Variants in MCTP1 observed in about 807,000 individuals in gnomAD.
MCTP1 encodes multiple C2 and transmembrane domain-containing protein 1.
MCTP1 carries 69 observed loss-of-function variants against 120.6 expected under a neutral mutation model. The observed-to-expected ratio is 0.57, with a 90% CI of 0.47 to 0.70. The LOEUF (loss-of-function observed/expected upper bound fraction) is 0.70, where lower values mean the gene tolerates loss of function less well. MCTP1 is among the 30% of genes least tolerant of loss of function. The probability of loss-of-function intolerance (pLI) is 0.00; values close to 1 mark genes in which losing one functional copy is unlikely to be tolerated. For missense variants in MCTP1, 1,203 were observed against 1,248.8 expected, an observed-to-expected ratio of 0.96 and a Z score of 0.55; for synonymous variants, 529 against 493.1, an observed-to-expected ratio of 1.07 and a Z score of -0.96.
chr5:94,756,729 AC>A (rs1159299628), intron 19 of MCTP1, among the ~76,000 whole-genome samples: 1 of 152,210 alleles, frequency 6.6e-6, no homozygotes, highest in Non-Finnish European at 1.5e-5. Flanking sequence ...AACTATGGCT[AC>A]TTTGAGTGAT....
chr5:94,787,147 C>T (rs1777906081), intron 18 of MCTP1, among the ~76,000 whole-genome samples: 1 of 152,128 alleles, frequency 6.6e-6, no homozygotes, highest in African/African-American at 2.4e-5. Context: ...CATGGTACTG[C>T]CTGTCTTTGT....
intron 1 of MCTP1, among the ~76,000 whole-genome samples, chr5:95,121,686 A>C (rs879695515): frequency 1.1e-4 from 16 of 152,088 alleles, no homozygotes; most frequent in Non-Finnish European, 2.1e-4. Context: ...GACCCAGAAT[A>C]GCCAAAGTTA....
At chr5:95,098,365 T>C (rs1756438629) in intron 1 of MCTP1, among the ~76,000 whole-genome samples, 1 of 152,346 alleles carries the variant, frequency 6.6e-6, no homozygotes, top group South Asian at 2.1e-4. Flanking sequence ...TGATGTGTCA[T>C]TTGTCTTTCA....
chr5:94,819,073 C>T (rs1785053034), intron 17 of MCTP1, among the ~76,000 whole-genome samples: 1 of 140,738 alleles, frequency 7.1e-6, no homozygotes, highest in South Asian at 2.3e-4. Flanking sequence ...AGATAAACTA[C>T]TTCAAATTTA....
At position 94,923,999 on chromosome 5, in the gene MCTP1, A is replaced by G. The variant is rs200188662; in HGVS notation, c.1235T>C (p.Val412Ala). 1.3e-6 allele frequency: 2 copies of G among 1,514,182 alleles called. No individual in the cohort carries two copies. The highest frequency in any genetic ancestry group is 2.7e-5 in the South Asian group (2 of 73,472). 93.8% of individuals were successfully genotyped at this position (1,514,182 alleles called of 1,614,324 possible). A position where few individuals can be genotyped will look rare whatever the true frequency, so the allele number is the denominator to read the frequency against. ...AGACTTCACAGAGAAATAAGATCCA[A>G]CCACTTCATTTTCTGAAAGTTCCTA... ...SSKELSENEV[V>A]GSYFSVKSLF... The change falls in exon 7 of 23, where the codon GTT becomes GCT. Residue 412 changes from valine to alanine, a missense_variant. Val to Ala is a moderately conservative substitution (Grantham distance 64). Around this residue, in one of 2 missense-constraint regions of MCTP1, gnomAD observed 740 missense variants for 871.1 expected, o/e 0.85. Coordinates refer to ENST00000515393, the MANE Select transcript of MCTP1 (RefSeq NM_024717.7).
chr5:94,859,851 T>C (rs1795417499), intron 17 of MCTP1, among the ~76,000 whole-genome samples: 1 of 151,696 alleles, frequency 6.6e-6, no homozygotes, highest in East Asian at 1.9e-4. Context: ...TATTTTAAGT[T>C]CAATCAAAAA....
chr5:94,880,291 T>C (rs1284066011), intron 12 of MCTP1, among the ~76,000 whole-genome samples: 1 of 152,160 alleles, frequency 6.6e-6, no homozygotes, highest in Non-Finnish European at 1.5e-5. Context: ...GCTTGTTAGA[T>C]ACTTTAGGAC....
chr5:95,071,415 ACT>A (rs1436980218), intron 1 of MCTP1, among the ~76,000 whole-genome samples: 2 of 152,108 alleles, frequency 1.3e-5, no homozygotes, highest in African/African-American at 4.8e-5. Flanking sequence ...ACAAAAAGTA[ACT>A]CTACATATCC....
chr5:94,979,481 G>A (rs920976939), intron 2 of MCTP1: 1 of 152,100 alleles, frequency 6.6e-6, no homozygotes, highest in Non-Finnish European at 1.5e-5. Context: ...AACATATTTG[G>A]TGACCAGAGG....
Position 95,240,589 on chromosome 5 carries a change from C to T in MCTP1, c.720+43267G>A, listed in dbSNP as rs115354716. ...GACCTTTTGAGGGTAGATGCTTTAC[C>T]TTATTTGTCTAGGATAGTGTTTGAC... On this transcript the variant is annotated intron_variant, in intron 1 of 22. Transcript: ENST00000515393. Among the ~76,000 whole-genome samples the T allele has an allele frequency of 1.0e-3, 157 of 152,262 alleles. 1 individual carries two copies. Among genetic ancestry groups the T allele is most frequent in the African/African-American group, 3.6e-3 (150 of 41,550 alleles).
intron 1 of MCTP1, among the ~76,000 whole-genome samples, chr5:95,245,219 GA>G (rs1756622551): frequency 6.6e-6 from 1 of 152,186 alleles, no homozygotes; most frequent in Non-Finnish European, 1.5e-5. Flanking sequence ...AAGATGGAGA[GA>G]AACCAGACCA....
chr5:95,047,147 T>A (rs1744747684), intron 1 of MCTP1, among the ~76,000 whole-genome samples: 2 of 152,154 alleles, frequency 1.3e-5, no homozygotes, highest in African/African-American at 4.8e-5. Flanking sequence ...GAATCAGAGG[T>A]TGCAACAAGC....
intron 18 of MCTP1, among the ~76,000 whole-genome samples, chr5:94,781,202 A>G (rs1287255580): frequency 6.6e-6 from 1 of 151,898 alleles, no homozygotes; most frequent in African/African-American, 2.4e-5. Context: ...TGAGATGAAT[A>G]CTATACTTTT....
chr5:94,877,373 A>C (rs992576323), intron 12 of MCTP1, among the ~76,000 whole-genome samples: 4 of 152,108 alleles, frequency 2.6e-5, no homozygotes, highest in African/African-American at 4.8e-5. Context: ...GTTAAATACT[A>C]AGGGCTATTT....
intron 1 of MCTP1, among the ~76,000 whole-genome samples, chr5:95,149,741 T>C (rs1458888282): frequency 6.6e-6 from 1 of 152,202 alleles, no homozygotes; most frequent in African/African-American, 2.4e-5. Context: ...CAAGGACTGT[T>C]GGGCTCCCTG....
At chr5:95,024,157 C>A in intron 1 of MCTP1, 1 of 412,124 alleles carries the variant, frequency 2.4e-6, no homozygotes. Context: ...GGGGTCTTAT[C>A]AAAGAAATCA....
intron 1 of MCTP1, among the ~76,000 whole-genome samples, chr5:95,144,576 T>C (rs1188884707): frequency 6.6e-6 from 1 of 152,176 alleles, no homozygotes; most frequent in African/African-American, 2.4e-5. Flanking sequence ...TTACTGTATA[T>C]GGTGGAATGT....
chr5:94,867,526 C>G (rs1445606445), intron 17 of MCTP1: 1 of 546,822 alleles, frequency 1.8e-6, no homozygotes, highest in African/African-American at 1.9e-5. Context: ...AAACTGGCAA[C>G]TATAAGGAAG....
chr5:94,786,274 T>A (rs1379385568), intron 18 of MCTP1, among the ~76,000 whole-genome samples: 1 of 152,156 alleles, frequency 6.6e-6, no homozygotes, highest in African/African-American at 2.4e-5. Flanking sequence ...TTCTTTTCCA[T>A]CTAGAACATT....
Sources: gnomAD v4.1 joint callset for allele counts (sites outside exome capture counted in the v4.1 genomes callset) on GRCh38, gnomAD v4.1.1 for gene constraint, gnomAD v4.1.1 regional missense constraint, MANE v1.5 for transcripts, NCBI Gene and HGNC (gene_info 2026-07-23, HGNC 2026-07-21) for gene names.